TMEM222: variants seen among roughly 807,000 people sequenced by gnomAD.
The protein encoded by TMEM222 is transmembrane protein 222.
Under a neutral mutation model 25.1 loss-of-function variants are expected in TMEM222, and 18 were observed. The ratio of observed to expected loss-of-function variants is 0.72; its 90% CI spans 0.50 to 1.06. The LOEUF is 1.06. Ranked by LOEUF, TMEM222 falls within the 50% of genes least tolerant of loss-of-function variation. TMEM222 has a pLI of 0.00. For synonymous variants in TMEM222, 131 were observed against 117.9 expected (o/e 1.11, Z -0.72); for missense variants, 296 against 293.7 (o/e 1.01, Z -0.06).
intron 3 of TMEM222, chr1:27,333,662 ACCT>A (rs2014535550): frequency 1.4e-5 from 6 of 441,700 alleles, no homozygotes; most frequent in East Asian, 9.3e-5. Flanking sequence ...CAAAGGCCCC[ACCT>A]CCTCATACCA....
intron 2 of TMEM222, among the ~76,000 whole-genome samples, chr1:27,331,317 G>T (rs983258188): frequency 6.6e-6 from 1 of 152,176 alleles, no homozygotes; most frequent in Admixed American, 6.5e-5. Flanking sequence ...CTGTCTCCAG[G>T]TGTCAGAGGC....
At chr1:27,334,127 G>C in intron 4 of TMEM222, 24 bp from the exon 5 acceptor site, 1 of 1,614,080 alleles carries the variant, frequency 6.2e-7, no homozygotes, top group South Asian at 1.1e-5. Context: ...AGCCCATCCT[G>C]ACCAGCCCTT....
intron 1 of TMEM222, chr1:27,325,287 A>C: frequency 5.1e-6 from 3 of 587,772 alleles, no homozygotes; most frequent in Non-Finnish European, 6.3e-6. Flanking sequence ...GCCCCTGCGC[A>C]AGGATGACAT....
intron 1 of TMEM222, chr1:27,325,890 A>G: frequency 2.7e-6 from 2 of 739,536 alleles, no homozygotes; most frequent in Non-Finnish European, 5.0e-6. Flanking sequence ...TGCTAGCCTC[A>G]CGAAAATGGA....
Position 27,332,097 on chromosome 1 carries a change from G to A in TMEM222, c.307G>A (p.Ala103Thr), listed in dbSNP as rs142488044. 151 of 1,614,136 alleles carry A rather than the reference G, an allele frequency of 9.4e-5. No individual in the cohort carries two copies. The highest frequency in any genetic ancestry group is 1.2e-4 in the Non-Finnish European group (143 of 1,180,058). Residue 103 changes from alanine to threonine, a missense_variant, in exon 3 of 6, where the codon GCC becomes ACC. Coordinates refer to ENST00000374076, the MANE Select transcript of TMEM222 (RefSeq NM_032125.3). ...GGACAACATGGCCTTTGGAAAGCCT[G>A]CCAAGTAAGTGATGAACACCCATGT... ...SEDNMAFGKP[A>T]KYWKLDPAQV...
rs1187615446 is a variant in TMEM222, at chr1:27,322,216, A to T, written c.19A>T (p.Ser7Cys). MAEAEG[S>C]SLLLLPPPPP... Reference sequence around the variant, plus strand: ...GCGCCGCATGGCGGAAGCGGAAGGGAGTTCTCTGCTCTTGTTGCCGCCGCC... The same window carrying T: ...GCGCCGCATGGCGGAAGCGGAAGGGTGTTCTCTGCTCTTGTTGCCGCCGCC... Residue 7 changes from serine to cysteine, a missense_variant, in exon 1 of 6, where the codon AGT becomes TGT. Coordinates refer to ENST00000374076, the MANE Select transcript of TMEM222 (RefSeq NM_032125.3). 4.2e-6 allele frequency: 6 copies of T among 1,422,770 alleles called. No homozygotes were observed. In the African/African-American group the frequency reaches 8.8e-5, roughly 21 times the overall value. 88.1% of individuals were successfully genotyped at this position (1,422,770 alleles called of 1,614,324 possible).
rs950191515 is a variant in TMEM222, at chr1:27,322,190, C to A, written c.-8C>A. The A allele has an allele frequency of 3.6e-6, 5 of 1,381,368 alleles. No individual in the cohort carries two copies. The highest frequency in any genetic ancestry group is 1.5e-5 in the African/African-American group (1 of 67,012). The allele number at this position is 1,381,368 out of a possible 1,614,324, so 85.6% of individuals were successfully genotyped here. A position where few individuals can be genotyped will look rare whatever the true frequency, so the allele number is the denominator to read the frequency against. On this transcript the variant is annotated 5_prime_UTR_variant, in exon 1 of 6. Coordinates refer to ENST00000374076, the MANE Select transcript of TMEM222 (RefSeq NM_032125.3). ...AGCCGGGGCCAGTCGGAGCGGGGCG[C>A]GCGCCGCATGGCGGAAGCGGAAGGG...
intron 5 of TMEM222, 78 bp downstream of exon 5, chr1:27,334,359 AGC>A (rs2014555494): frequency 1.3e-6 from 2 of 1,590,530 alleles, no homozygotes; most frequent in Non-Finnish European, 1.7e-6. Flanking sequence ...GACCATTCCT[AGC>A]GTCCTTCAGT....
At chr1:27,327,015 G>C (rs1052046488) in intron 1 of TMEM222, among the ~76,000 whole-genome samples, 4 of 147,424 alleles carry the variant, frequency 2.7e-5, no homozygotes, top group African/African-American at 1.0e-4. Flanking sequence ...AGGATTAGGG[G>C]GCAGAGATGG....
At chr1:27,322,982 C>T (rs1256123631) in intron 1 of TMEM222, among the ~76,000 whole-genome samples, 1 of 152,176 alleles carries the variant, frequency 6.6e-6, no homozygotes, top group Admixed American at 6.5e-5. Flanking sequence ...AGGGGAGAAG[C>T]AGGTGCTCTG....
intron 3 of TMEM222, chr1:27,332,500 C>T: frequency 1.4e-6 from 1 of 718,178 alleles, no homozygotes; most frequent in East Asian, 2.7e-5. Context: ...AGAAGAGAGG[C>T]ATTGTTTGGA....
intron 3 of TMEM222, 117 bp from the exon 4 acceptor site, chr1:27,333,841 A>G (rs1466423163): frequency 3.6e-6 from 3 of 830,766 alleles, no homozygotes; most frequent in Non-Finnish European, 5.7e-6. Flanking sequence ...GATCTGGCTT[A>G]CTGTACATCT....
intron 5 of TMEM222, chr1:27,334,959 C>T: frequency 2.5e-6 from 1 of 401,914 alleles, no homozygotes; most frequent in Non-Finnish European, 3.8e-6. Flanking sequence ...CTGACCCTTG[C>T]CAGCCCCAGA....
At chr1:27,330,664 C>T in intron 1 of TMEM222, 56 bp from the exon 2 acceptor site, 1 of 1,470,780 alleles carries the variant, frequency 6.8e-7, no homozygotes, top group South Asian at 1.1e-5. Flanking sequence ...CAGCGTCCGT[C>T]TAACTGGCTG....
At chr1:27,325,520 G>A (rs1200994005) in intron 1 of TMEM222, 1 of 1,451,494 alleles carries the variant, frequency 6.9e-7, no homozygotes, top group Admixed American at 1.7e-5. Flanking sequence ...CCATCATGAA[G>A]TGTGACGTAG....
At chr1:27,330,869 C>T in intron 2 of TMEM222, 65 bp downstream of exon 2, 1 of 1,601,752 alleles carries the variant, frequency 6.2e-7, no homozygotes, top group Non-Finnish European at 8.6e-7. Context: ...CCTGTCTTGC[C>T]TGCAGGCAGG....
At chr1:27,331,204 G>T (rs1261344154) in intron 2 of TMEM222, 13 of 1,071,966 alleles carry the variant, frequency 1.2e-5, no homozygotes, top group Non-Finnish European at 1.5e-5. Flanking sequence ...TGGAGAAGAG[G>T]GGGTGGGGCT....
intron 5 of TMEM222, chr1:27,334,651 A>G (rs2014562619): frequency 1.4e-6 from 2 of 1,427,632 alleles, no homozygotes; most frequent in African/African-American, 1.4e-5. Flanking sequence ...ATCCTCTCAT[A>G]ATGACTGCCC....
intron 3 of TMEM222, chr1:27,332,485 AAGGTAGAAGAG>A: frequency 1.4e-6 from 1 of 718,200 alleles, no homozygotes; most frequent in Middle Eastern, 2.3e-4. Flanking sequence ...TGAGGCATGG[AAGGTAGAAGAG>A]AGGCATTGTT....
Sources: allele counts gnomAD v4.1 joint callset (sites outside exome capture counted in the v4.1 genomes callset), GRCh38; gene constraint gnomAD v4.1.1; transcripts MANE v1.5; gene names NCBI Gene and HGNC (gene_info 2026-07-23, HGNC 2026-07-21).